Variants in THSD4 observed in about 807,000 individuals in gnomAD.
THSD4 encodes the protein thrombospondin type-1 domain-containing protein 4.
A neutral mutation model predicts 119.0 loss-of-function variants in THSD4; 69 were observed. The observed-to-expected ratio is 0.58, with a 90% confidence interval of 0.48 to 0.71. The LOEUF (loss-of-function observed/expected upper bound fraction) is 0.71. THSD4 is among the 30% of genes least tolerant of loss of function. The probability of loss-of-function intolerance (pLI) is 0.00; values close to 1 mark genes in which losing one functional copy is unlikely to be tolerated. For missense variants in THSD4, 1,393 were observed against 1,391.1 expected (o/e 1.00, Z -0.02); for synonymous variants, 524 against 540.4 (o/e 0.97, Z 0.42).
intron 6 of THSD4, among the ~76,000 whole-genome samples, chr15:71,388,663 AGTGTGTGTGTGTGT>A (rs55923750): frequency 7.4e-6 from 1 of 134,230 alleles, no homozygotes; most frequent in African/African-American, 2.9e-5. Flanking sequence ...CTTTGGAGAG[AGTGTGTGTGTGTGT>A]GTGTGTGTGT....
chr15:71,370,643 C>G (rs1470463553), intron 6 of THSD4, among the ~76,000 whole-genome samples: 2 of 152,146 alleles, frequency 1.3e-5, no homozygotes, highest in African/African-American at 2.4e-5. Context: ...TGTGGTCTGA[C>G]AGACAGTTTG....
At chr15:71,249,599 C>CAT (rs1219213323) in intron 5 of THSD4, among the ~76,000 whole-genome samples, 4 of 150,162 alleles carry the variant, frequency 2.7e-5, no homozygotes, top group Admixed American at 6.6e-5. Flanking sequence ...TTATTGACTT[C>CAT]ATATATATAT....
intron 7 of THSD4, among the ~76,000 whole-genome samples, chr15:71,469,701 G>C (rs1167804208): frequency 6.6e-6 from 1 of 152,186 alleles, no homozygotes; most frequent in East Asian, 1.9e-4. Context: ...CAAGAAGGCA[G>C]GAATTTCAGT....
intron 1 of THSD4, among the ~76,000 whole-genome samples, chr15:71,134,345 G>C (rs749507338): frequency 6.6e-6 from 1 of 152,204 alleles, no homozygotes; most frequent in African/African-American, 2.4e-5. Context: ...ATTGATGACC[G>C]CCACCAGAGA....
At position 71,189,399 on chromosome 15, in the gene THSD4, G is replaced by A. The variant is rs146548081; in HGVS notation, c.100-25636G>A. Among the ~76,000 whole-genome samples, 1,189 of 152,264 alleles carry A rather than the reference G, an allele frequency of 7.8e-3. 7 individuals carry two copies. Among genetic ancestry groups the A allele is most frequent in the African/African-American group, 0.027 (1,121 of 41,554 alleles). On this transcript the variant is annotated intron_variant, in intron 3 of 17. Coordinates refer to ENST00000261862, the MANE Select transcript of THSD4 (RefSeq NM_024817.3). ...AAAAAATACGTTTCTGGCTGGGTGC[G>A]GTGGCTCACGCCTGTAATCCCAGCA...
chr15:71,329,012 TA>T (rs1295363120), intron 6 of THSD4, among the ~76,000 whole-genome samples: 2 of 152,204 alleles, frequency 1.3e-5, no homozygotes, highest in African/African-American at 4.8e-5. Context: ...ATTTTTTTCC[TA>T]AAGAGCCATT....
chr15:71,219,438 TG>T (rs2043958128), intron 4 of THSD4, among the ~76,000 whole-genome samples: 1 of 152,074 alleles, frequency 6.6e-6, no homozygotes, highest in Non-Finnish European at 1.5e-5. Context: ...TGCCGTGGAG[TG>T]GGTGGCTTGT....
At chr15:71,373,019 C>G (rs2046078147) in intron 6 of THSD4, among the ~76,000 whole-genome samples, 1 of 152,192 alleles carries the variant, frequency 6.6e-6, no homozygotes, top group South Asian at 2.1e-4. Flanking sequence ...CTTGTTATCT[C>G]TTTTCAATCT....
chr15:71,577,553 G>T (rs930604307), intron 7 of THSD4, among the ~76,000 whole-genome samples: 3 of 152,056 alleles, frequency 2.0e-5, no homozygotes, highest in African/African-American at 7.2e-5. Flanking sequence ...ATGGAGAAAT[G>T]CTTTCGAAAC....
chr15:71,256,223 C>G (rs2044314871), intron 5 of THSD4, among the ~76,000 whole-genome samples: 1 of 152,070 alleles, frequency 6.6e-6, no homozygotes, highest in African/African-American at 2.4e-5. Context: ...GCCTGTAATC[C>G]CAGCACTTTG....
At chr15:71,414,385 G>A (rs2046730161) in intron 7 of THSD4, among the ~76,000 whole-genome samples, 1 of 152,176 alleles carries the variant, frequency 6.6e-6, no homozygotes, top group Admixed American at 6.5e-5. Context: ...GTGCTCTCAC[G>A]CTATAGTGTG....
Position 71,560,079 on chromosome 15 carries a change from A to T in THSD4, c.1153-100451A>T, listed in dbSNP as rs866697838. Among the ~76,000 whole-genome samples, 6 of 152,322 alleles carry T rather than the reference A, an allele frequency of 3.9e-5. No individual in the cohort carries two copies. In the South Asian group the frequency reaches 1.2e-3, roughly 32 times the overall value. ...TCCTTTAAAAATAACATTTTACTTA[A>T]AAAACCTTATTTTCTGATTCAGCAT... On this transcript the variant is annotated intron_variant, in intron 7 of 17. Transcript: ENST00000261862.
At chr15:71,548,565 C>T (rs1371053957) in intron 7 of THSD4, among the ~76,000 whole-genome samples, 5 of 152,190 alleles carry the variant, frequency 3.3e-5, no homozygotes, top group South Asian at 4.1e-4. Context: ...CATGCAGCAA[C>T]GGGTCACTTG....
chr15:71,564,177 T>C (rs573581654), intron 7 of THSD4, among the ~76,000 whole-genome samples: 2 of 152,336 alleles, frequency 1.3e-5, no homozygotes, highest in East Asian at 3.9e-4. Flanking sequence ...AGAGGTAAGA[T>C]GCCCTATTCC....
chr15:71,165,662 C>T (rs2043288249), intron 3 of THSD4, among the ~76,000 whole-genome samples: 1 of 152,138 alleles, frequency 6.6e-6, no homozygotes, highest in South Asian at 2.1e-4. Flanking sequence ...GATTTTTCAA[C>T]TGTAATCTTC....
At chr15:71,140,954 A>G (rs1038716109) in intron 1 of THSD4, among the ~76,000 whole-genome samples, 2 of 152,254 alleles carry the variant, frequency 1.3e-5, no homozygotes, top group Admixed American at 6.5e-5. Flanking sequence ...CATATAATGC[A>G]TGCTATTTTT....
At chr15:71,727,569 TATATATATATATATATATACACAC>T (rs1322778096) in intron 8 of THSD4, among the ~76,000 whole-genome samples, 379 of 29,850 alleles carry the variant, frequency 0.013, 2 homozygotes, top group South Asian at 0.036. Context: ...TATATATATA[TATATATATATATATATATACACAC>T]ACACACACAC....
chr15:71,592,012 A>G (rs12916289), intron 7 of THSD4, among the ~76,000 whole-genome samples: 25,656 of 152,092 alleles, frequency 0.17, 2,505 homozygotes, highest in Non-Finnish European at 0.22. Flanking sequence ...CCTCATTTTA[A>G]AGACGAGGAA....
chr15:71,254,025 G>T (rs2044287687), intron 5 of THSD4, among the ~76,000 whole-genome samples: 1 of 152,210 alleles, frequency 6.6e-6, no homozygotes, highest in South Asian at 2.1e-4. Flanking sequence ...AGAGAAAGGG[G>T]TTAAGCAGAC....
Sources: allele counts gnomAD v4.1 joint callset (sites outside exome capture counted in the v4.1 genomes callset), GRCh38; gene constraint gnomAD v4.1.1; transcripts MANE v1.5; gene names NCBI Gene and HGNC (gene_info 2026-07-23, HGNC 2026-07-21).